ATP8A1: variants seen among roughly 807,000 people sequenced by gnomAD.
ATP8A1 encodes phospholipid-transporting ATPase IA.
ATP8A1 carries 90 observed loss-of-function variants against 177.7 expected under a neutral mutation model. That is an observed-to-expected ratio of 0.51 (90% CI 0.43 to 0.60). ATP8A1 has a LOEUF of 0.60. Among genes scored for constraint, ATP8A1 ranks in the 20% least tolerant of loss-of-function variants. The probability of loss-of-function intolerance (pLI) is 0.00; values close to 1 mark genes in which losing one functional copy is unlikely to be tolerated. For synonymous variants in ATP8A1, 493 were observed against 485.9 expected, an observed-to-expected ratio of 1.01 and a Z score of -0.19; for missense variants, 1,072 against 1,392.8, an observed-to-expected ratio of 0.77 and a Z score of 3.67.
At chr4:42,634,233 G>A (rs957499881) in intron 1 of ATP8A1, among the ~76,000 whole-genome samples, 5 of 152,194 alleles carry the variant, frequency 3.3e-5, no homozygotes, top group African/African-American at 1.2e-4. Context: ...ATGATTGCAT[G>A]ATGCTCCATA....
intron 20 of ATP8A1, among the ~76,000 whole-genome samples, chr4:42,534,226 T>C (rs1727554052): frequency 1.3e-5 from 2 of 152,080 alleles, no homozygotes; most frequent in South Asian, 4.1e-4. Context: ...AGCTAATCAA[T>C]GAGGCACCAG....
intron 15 of ATP8A1, among the ~76,000 whole-genome samples, chr4:42,563,448 A>G (rs1731044872): frequency 6.6e-6 from 1 of 152,246 alleles, no homozygotes; most frequent in Admixed American, 6.5e-5. Context: ...GCAGCCTGAC[A>G]ATGTGATAGA....
intron 20 of ATP8A1, among the ~76,000 whole-genome samples, chr4:42,525,802 T>G (rs1726615771): frequency 6.6e-6 from 1 of 152,178 alleles, no homozygotes; most frequent in Admixed American, 6.5e-5. Flanking sequence ...GGGCTGATAT[T>G]TGGAAGCAGA....
chr4:42,613,506 TA>T (rs1736581348), intron 5 of ATP8A1, among the ~76,000 whole-genome samples: 1 of 152,240 alleles, frequency 6.6e-6, no homozygotes, highest in African/African-American at 2.4e-5. Context: ...TAATACAATT[TA>T]AATAGTAAAT....
intron 27 of ATP8A1, 66 bp downstream of exon 27, chr4:42,464,624 C>T (rs12647640): frequency 0.57 from 518,011 of 902,748 alleles, 151,493 homozygotes; most frequent in East Asian, 0.84. Context: ...GAAAACGTCT[C>T]CATAAAGAAA....
chr4:42,479,275 TAC>T (rs1343515555), intron 25 of ATP8A1, among the ~76,000 whole-genome samples: 1 of 152,230 alleles, frequency 6.6e-6, no homozygotes, highest in Non-Finnish European at 1.5e-5. Context: ...CTGCAAAGCC[TAC>T]AGATACTTAC....
At chr4:42,572,716 CAAAT>C (rs565823818) in intron 14 of ATP8A1, among the ~76,000 whole-genome samples, 10 of 152,234 alleles carry the variant, frequency 6.6e-5, no homozygotes, top group Admixed American at 3.3e-4. Context: ...AATTTGCAAA[CAAAT>C]AAACTTCTGT....
At chr4:42,543,378 A>G (rs544937041) in intron 20 of ATP8A1, among the ~76,000 whole-genome samples, 1 of 152,310 alleles carries the variant, frequency 6.6e-6, no homozygotes, top group East Asian at 1.9e-4. Context: ...TCATTTTCCC[A>G]TGAGTATAAA....
chr4:42,425,230 G>T (rs937197066), intron 33 of ATP8A1, among the ~76,000 whole-genome samples: 3 of 151,918 alleles, frequency 2.0e-5, no homozygotes, highest in Admixed American at 6.6e-5. Flanking sequence ...GGTTGGGGGG[G>T]GGCAAGAGAA....
At chr4:42,652,240 G>A (rs544372756) in intron 1 of ATP8A1, among the ~76,000 whole-genome samples, 3 of 152,092 alleles carry the variant, frequency 2.0e-5, no homozygotes, top group Non-Finnish European at 4.4e-5. Context: ...TCAAGCTCAA[G>A]ACTGTAATGG....
chr4:42,467,581 T>C (rs962357150), intron 25 of ATP8A1, among the ~76,000 whole-genome samples: 2 of 152,142 alleles, frequency 1.3e-5, no homozygotes, highest in South Asian at 2.1e-4. Context: ...TAGTCCCAGC[T>C]ACTCGGGAAG....
At chr4:42,489,404 G>C (rs759739050) in intron 24 of ATP8A1, among the ~76,000 whole-genome samples, 1 of 152,050 alleles carries the variant, frequency 6.6e-6, no homozygotes, top group East Asian at 1.9e-4. Flanking sequence ...CTCTAAATTC[G>C]TGACATCAGT....
intron 1 of ATP8A1, among the ~76,000 whole-genome samples, chr4:42,643,956 C>T (rs887428676): frequency 1.3e-5 from 2 of 152,142 alleles, no homozygotes; most frequent in Non-Finnish European, 2.9e-5. Context: ...TAGCTTCAAG[C>T]GTAGTTATGT....
At chr4:42,434,877 C>T (rs538105913) in intron 33 of ATP8A1, among the ~76,000 whole-genome samples, 2 of 152,204 alleles carry the variant, frequency 1.3e-5, no homozygotes, top group African/African-American at 2.4e-5. Flanking sequence ...TAAAGGCAAC[C>T]TAGTCTCTGA....
At chr4:42,636,170 A>ACGCGTGCGCGCGCG (rs1739370786) in intron 1 of ATP8A1, among the ~76,000 whole-genome samples, 1 of 76,872 alleles carries the variant, frequency 1.3e-5, no homozygotes, top group African/African-American at 4.3e-5. Context: ...ACACACACAC[A>ACGCGTGCGCGCGCG]CATAAGCTTC....
chr4:42,533,544 T>A (rs1727489090), intron 20 of ATP8A1, among the ~76,000 whole-genome samples: 1 of 152,124 alleles, frequency 6.6e-6, no homozygotes, highest in Non-Finnish European at 1.5e-5. Context: ...ACTCTGCCCC[T>A]AGCTGATAGT....
At chr4:42,608,429 G>A (rs534292476) in intron 5 of ATP8A1, among the ~76,000 whole-genome samples, 43 of 151,300 alleles carry the variant, frequency 2.8e-4, no homozygotes, top group African/African-American at 4.4e-4. Flanking sequence ...GCACGATCTC[G>A]GCTCACTGTA....
intron 22 of ATP8A1, among the ~76,000 whole-genome samples, chr4:42,508,578 A>G (rs1008911329): frequency 6.6e-6 from 1 of 152,244 alleles, no homozygotes; most frequent in Admixed American, 6.5e-5. Flanking sequence ...TAAATACATA[A>G]GAATGTAGTG....
chr4:42,626,646 C>A, intron 2 of ATP8A1: 2 of 257,668 alleles, frequency 7.8e-6, no homozygotes, highest in Non-Finnish European at 1.5e-5. Flanking sequence ...TGCAGAATTG[C>A]AAAGACCTCT....
Sources: gnomAD v4.1 joint callset for allele counts (sites outside exome capture counted in the v4.1 genomes callset) on GRCh38, gnomAD v4.1.1 for gene constraint, MANE v1.5 for transcripts, NCBI Gene and HGNC (gene_info 2026-07-23, HGNC 2026-07-21) for gene names.